Variants in HPCAL1 observed in about 807,000 individuals in gnomAD.
The protein encoded by HPCAL1 is hippocalcin like 1, also known as hippocalcin-like protein 1.
Under a neutral mutation model 17.1 loss-of-function variants are expected in HPCAL1, and 8 were observed. The ratio of observed to expected loss-of-function variants is 0.47; its 90% CI spans 0.27 to 0.84. The LOEUF (loss-of-function observed/expected upper bound fraction) is 0.84, where lower values mean the gene tolerates loss of function less well. HPCAL1 is among the 40% of genes least tolerant of loss of function. The pLI is 0.13. For missense variants in HPCAL1, 165 were observed against 271.1 expected (o/e 0.61, Z 2.75); for synonymous variants, 112 against 111.4 (o/e 1.01, Z -0.03).
Position 10,416,990 on chromosome 2 carries a change from G to A in HPCAL1, c.-24-2744G>A, listed in dbSNP as rs78161449. Among the ~76,000 whole-genome samples, 19 of 152,290 alleles carry A rather than the reference G, an allele frequency of 1.2e-4. No individual in the cohort carries two copies. The East Asian group carries it at 3.7e-3, about 29-fold the overall frequency. ...TCGTCTGGGGCAAACTGCAGTTGGA[G>A]AGGCTGGCCTCCTGTGGCTGCATAT... On this transcript the variant is annotated intron_variant, in intron 2 of 4. Transcript: ENST00000307845.
chr2:10,388,702 C>CCCAGCCCCA (rs1668487751), intron 1 of HPCAL1, among the ~76,000 whole-genome samples: 6 of 152,218 alleles, frequency 3.9e-5, no homozygotes, highest in Non-Finnish European at 7.3e-5. Flanking sequence ...CCCCAGCCCC[C>CCCAGCCCCA]AAGTCCCACT....
intron 1 of HPCAL1, among the ~76,000 whole-genome samples, chr2:10,332,987 G>T (rs551605381): frequency 7.2e-6 from 1 of 138,178 alleles, no homozygotes; most frequent in East Asian, 2.6e-4. Context: ...GGGGGGAGGG[G>T]CAGGGTGGGT....
intron 1 of HPCAL1, among the ~76,000 whole-genome samples, chr2:10,392,987 C>T (rs1222587957): frequency 6.6e-6 from 1 of 152,226 alleles, no homozygotes; most frequent in Non-Finnish European, 1.5e-5. Context: ...CAAAGGGCAG[C>T]ACAGAGCACC....
At chr2:10,319,594 G>C (rs138512514) in intron 1 of HPCAL1, among the ~76,000 whole-genome samples, 5,346 of 145,364 alleles carry the variant, frequency 0.037, 361 homozygotes, top group African/African-American at 0.13. Flanking sequence ...GGGGTGGGGT[G>C]GGGTGGGCAG....
At chr2:10,378,107 G>A (rs1667695485) in intron 1 of HPCAL1, among the ~76,000 whole-genome samples, 1 of 152,026 alleles carries the variant, frequency 6.6e-6, no homozygotes, top group African/African-American at 2.4e-5. Context: ...TCTTGATGGG[G>A]TTTAGGACAT....
chr2:10,400,801 T>A (rs4669583), intron 2 of HPCAL1, among the ~76,000 whole-genome samples: 10 of 152,090 alleles, frequency 6.6e-5, no homozygotes, highest in African/African-American at 1.2e-4. Flanking sequence ...ACACACATTG[T>A]GGGCAGGCAC....
chr2:10,415,974 C>A (rs1160688668), intron 2 of HPCAL1, among the ~76,000 whole-genome samples: 1 of 152,214 alleles, frequency 6.6e-6, no homozygotes, highest in Non-Finnish European at 1.5e-5. Flanking sequence ...GGAGGAGCCA[C>A]CACGGGTGCT....
At chr2:10,321,220 A>C (rs1167324670) in intron 1 of HPCAL1, among the ~76,000 whole-genome samples, 7 of 152,174 alleles carry the variant, frequency 4.6e-5, no homozygotes, top group Admixed American at 4.6e-4. Context: ...AAGGTGCCAC[A>C]CACTTTTAAA....
intron 2 of HPCAL1, among the ~76,000 whole-genome samples, chr2:10,404,511 G>T (rs796279979): frequency 1.5e-4 from 23 of 152,320 alleles, no homozygotes; most frequent in African/African-American, 5.3e-4. Flanking sequence ...CTTTTAAACA[G>T]ACCCAAAGCA....
rs1664401557 is a variant in HPCAL1, at chr2:10,331,826, G to A, written c.-111+28649G>A. ...GTGGCCCCAGCTGGGCTTGCTGCCT[G>A]TGTGTGGTGAGGGTGCCCTTCTTGT... On this transcript the variant is annotated intron_variant, in intron 1 of 4. Transcript: ENST00000307845. The surrounding 1 kb of genome is among the most constrained non-coding windows in gnomAD (Gnocchi z 5.0). Among the ~76,000 whole-genome samples the A allele has an allele frequency of 6.6e-6, 1 of 152,182 alleles. No homozygotes were observed. Among genetic ancestry groups the A allele is most frequent in the South Asian group, 2.1e-4 (1 of 4,826 alleles).
chr2:10,317,121 G>T (rs920226250), intron 1 of HPCAL1, among the ~76,000 whole-genome samples: 2 of 152,204 alleles, frequency 1.3e-5, no homozygotes, highest in African/African-American at 4.8e-5. Flanking sequence ...TCCTGGAAAA[G>T]AAATCAGCTC....
chr2:10,376,041 A>G (rs1667534838), intron 1 of HPCAL1, among the ~76,000 whole-genome samples: 1 of 152,124 alleles, frequency 6.6e-6, no homozygotes, highest in Non-Finnish European at 1.5e-5. Context: ...TGAGTGAGCA[A>G]TTTGGTCGAT....
At position 10,426,854 on chromosome 2, in the gene HPCAL1, C is replaced by A; in HGVS notation, c.*33C>A. The A allele has an allele frequency of 1.3e-6, 2 of 1,563,686 alleles. No individual in the cohort carries two copies. Among genetic ancestry groups the A allele is most frequent in the Non-Finnish European group, 1.8e-6 (2 of 1,135,194 alleles). On this transcript the variant is annotated 3_prime_UTR_variant, in exon 5 of 5. Coordinates refer to ENST00000307845, the MANE Select transcript of HPCAL1 (RefSeq NM_002149.4). ...GCCCCTGGACAGTTGCAGAGAAACACAGGCTTGTCGTGCCGTTTAAGCTTT... is the reference window on the plus strand; with the variant it reads ...GCCCCTGGACAGTTGCAGAGAAACAAAGGCTTGTCGTGCCGTTTAAGCTTT...
intron 4 of HPCAL1, 86 bp downstream of exon 4, chr2:10,423,174 G>A (rs755765372): frequency 2.0e-6 from 2 of 1,009,400 alleles, no homozygotes; most frequent in South Asian, 2.7e-5. Flanking sequence ...CCCCTCTGCA[G>A]CTTCTTGGTC....
intron 1 of HPCAL1, among the ~76,000 whole-genome samples, chr2:10,320,819 G>C (rs991138137): frequency 2.0e-5 from 3 of 152,158 alleles, no homozygotes; most frequent in Admixed American, 2.0e-4. Context: ...GAATGATCTA[G>C]GCAGAAGACC....
chr2:10,322,302 C>A (rs963405884), intron 1 of HPCAL1, among the ~76,000 whole-genome samples: 13 of 152,168 alleles, frequency 8.5e-5, no homozygotes, highest in Admixed American at 5.9e-4. Flanking sequence ...GGATTAGAGG[C>A]ATGAACCACT....
chr2:10,350,846 C>G (rs1665798580), intron 1 of HPCAL1, among the ~76,000 whole-genome samples: 2 of 152,136 alleles, frequency 1.3e-5, no homozygotes, highest in African/African-American at 4.8e-5. Context: ...CATCATTAGT[C>G]ACGAGGGAAA....
At chr2:10,397,733 G>A (rs1314825171) in intron 2 of HPCAL1, among the ~76,000 whole-genome samples, 1 of 147,356 alleles carries the variant, frequency 6.8e-6, no homozygotes, top group Non-Finnish European at 1.5e-5. Flanking sequence ...GCCAGCTCCC[G>A]AGACAGGAAG....
chr2:10,343,979 G>A lies in HPCAL1; in HGVS notation c.-111+40802G>A, dbSNP rs928798157. ...TATAGAGAACGCTGGCTTCAGACCC[G>A]GCAGGAGTACCGGCGGCTGTGTGGT... On this transcript the variant is annotated intron_variant, in intron 1 of 4. Coordinates refer to ENST00000307845, the MANE Select transcript of HPCAL1 (RefSeq NM_002149.4). The surrounding 1 kb of genome is among the most constrained non-coding windows in gnomAD (Gnocchi z 4.8). Among the ~76,000 whole-genome samples, 2 of 152,310 alleles carry A rather than the reference G, an allele frequency of 1.3e-5. No individual in the cohort carries two copies. The highest frequency in any genetic ancestry group is 2.4e-5 in the African/African-American group (1 of 41,574).
Sources: gnomAD v4.1 joint callset for allele counts (sites outside exome capture counted in the v4.1 genomes callset) on GRCh38, gnomAD v4.1.1 for gene constraint, Gnocchi (gnomAD v3.1) non-coding constraint, MANE v1.5 for transcripts, NCBI Gene and HGNC (gene_info 2026-07-23, HGNC 2026-07-21) for gene names.